Variants in LRMDA observed in about 807,000 individuals in gnomAD.
The protein encoded by LRMDA is leucine-rich melanocyte differentiation-associated protein.
Under a neutral mutation model 29.8 loss-of-function variants are expected in LRMDA, and 18 were observed. The ratio of observed to expected loss-of-function variants is 0.60; its 90% CI spans 0.42 to 0.90. LRMDA has a LOEUF of 0.90. Among genes scored for constraint, LRMDA ranks in the 40% least tolerant of loss-of-function variants. The pLI is 0.00. For missense variants in LRMDA, 273 were observed against 273.9 expected, an observed-to-expected ratio of 1.00 and a Z score of 0.02; for synonymous variants, 125 against 109.4, an observed-to-expected ratio of 1.14 and a Z score of -0.89.
At chr10:75,905,999 A>C (rs1203609120) in intron 2 of LRMDA, among the ~76,000 whole-genome samples, 1 of 151,196 alleles carries the variant, frequency 6.6e-6, no homozygotes, top group Non-Finnish European at 1.5e-5. Flanking sequence ...GGGAGGGTGC[A>C]GAAAGGTAGC....
At chr10:76,435,210 T>A (rs1025846406) in intron 6 of LRMDA, among the ~76,000 whole-genome samples, 1 of 152,230 alleles carries the variant, frequency 6.6e-6, no homozygotes, top group Non-Finnish European at 1.5e-5. Flanking sequence ...CATCTCTTTG[T>A]GAATGAGAAC....
intron 2 of LRMDA, among the ~76,000 whole-genome samples, chr10:75,876,567 C>T (rs182156947): frequency 9.2e-5 from 14 of 152,314 alleles, no homozygotes; most frequent in South Asian, 2.1e-4. Flanking sequence ...TAAGAGGTTA[C>T]GGAGTCCCAG....
intron 2 of LRMDA, among the ~76,000 whole-genome samples, chr10:75,807,073 C>A (rs1294316229): frequency 3.9e-5 from 6 of 152,126 alleles, no homozygotes; most frequent in Admixed American, 2.6e-4. Context: ...GCTCTGGAAT[C>A]CCTGTGGGGG....
intron 5 of LRMDA, among the ~76,000 whole-genome samples, chr10:76,074,431 A>AT (rs1176249085): frequency 6.6e-6 from 1 of 152,174 alleles, no homozygotes; most frequent in Non-Finnish European, 1.5e-5. Flanking sequence ...ATTAAGGCTA[A>AT]TTATTTTCAG....
intron 5 of LRMDA, among the ~76,000 whole-genome samples, chr10:76,226,815 T>G (rs1194081130): frequency 2.0e-5 from 3 of 152,162 alleles, no homozygotes; most frequent in Non-Finnish European, 4.4e-5. Context: ...CAGATTCAGA[T>G]GTTGTGACAT....
At chr10:76,168,971 C>T (rs971239433) in intron 5 of LRMDA, among the ~76,000 whole-genome samples, 6 of 151,984 alleles carry the variant, frequency 3.9e-5, no homozygotes, top group African/African-American at 1.5e-4. Context: ...AGGTACTTTA[C>T]AAATTGTGGG....
At chr10:75,854,804 G>A (rs549985119) in intron 2 of LRMDA, among the ~76,000 whole-genome samples, 178 of 151,536 alleles carry the variant, frequency 1.2e-3, no homozygotes, top group African/African-American at 4.0e-3. Flanking sequence ...ACCTATGAGC[G>A]AGAACATGCA....
At chr10:76,169,849 A>G (rs1033489856) in intron 5 of LRMDA, among the ~76,000 whole-genome samples, 20 of 152,288 alleles carry the variant, frequency 1.3e-4, no homozygotes, top group African/African-American at 4.3e-4. Flanking sequence ...AGAATTCTTC[A>G]TTGTCATTTG....
chr10:75,846,056 G>A (rs771628412), intron 2 of LRMDA, among the ~76,000 whole-genome samples: 7 of 152,042 alleles, frequency 4.6e-5, no homozygotes, highest in Admixed American at 6.5e-5. Flanking sequence ...TTGAAGCCAG[G>A]CTTATGAAGA....
intron 2 of LRMDA, among the ~76,000 whole-genome samples, chr10:75,471,278 G>A (rs574357830): frequency 2.4e-4 from 36 of 151,800 alleles, no homozygotes; most frequent in African/African-American, 5.8e-4. Flanking sequence ...CCTTCAGGAA[G>A]TTCATCTGTG....
chr10:76,389,169 G>A (rs1181375073), intron 6 of LRMDA, among the ~76,000 whole-genome samples: 1 of 152,196 alleles, frequency 6.6e-6, no homozygotes, highest in Non-Finnish European at 1.5e-5. Flanking sequence ...TGGTTGGAAT[G>A]GGAAAATGCC....
chr10:76,081,467 G>A (rs1849048617), intron 5 of LRMDA, among the ~76,000 whole-genome samples: 1 of 152,168 alleles, frequency 6.6e-6, no homozygotes, highest in African/African-American at 2.4e-5. Context: ...ATAAGTGAAA[G>A]TAACACTATT....
chr10:76,003,126 G>A (rs949592074), intron 2 of LRMDA, among the ~76,000 whole-genome samples: 5 of 152,152 alleles, frequency 3.3e-5, no homozygotes, highest in African/African-American at 1.2e-4. Context: ...AGGAACAAAT[G>A]CCCAGCATTT....
In LRMDA at chr10:75,627,214, A is replaced by C. The variant is rs922801761; in HGVS notation, c.131+188720A>C. ...ACTTACCAGTGAGCTCTAAAATTCA[A>C]CTTCAAATAGTTATTTACACATATT... is the stretch of plus-strand genomic sequence containing the variant. On this transcript the variant is annotated intron_variant, in intron 2 of 6. Transcript: ENST00000611255. Among the ~76,000 whole-genome samples, 13 of 152,176 alleles carry C rather than the reference A, an allele frequency of 8.5e-5. 1 individual carries two copies. The highest frequency in any genetic ancestry group is 1.5e-5 in the Non-Finnish European group (1 of 68,038).
intron 2 of LRMDA, among the ~76,000 whole-genome samples, chr10:75,578,927 G>A (rs1029087769): frequency 1.3e-5 from 2 of 151,776 alleles, no homozygotes; most frequent in Non-Finnish European, 2.9e-5. Flanking sequence ...TGTGTAGAGG[G>A]AAATTTATAG....
intron 2 of LRMDA, among the ~76,000 whole-genome samples, chr10:75,898,538 C>T (rs934547377): frequency 1.1e-4 from 16 of 151,604 alleles, no homozygotes; most frequent in South Asian, 6.2e-4. Flanking sequence ...CTTTGCCTGC[C>T]GGGAAAGCAG....
intron 5 of LRMDA, among the ~76,000 whole-genome samples, chr10:76,141,892 T>G (rs1046169816): frequency 6.6e-6 from 1 of 152,118 alleles, no homozygotes; most frequent in African/African-American, 2.4e-5. Flanking sequence ...AATTGTTTTG[T>G]GCAGAACTTT....
rs553501781 is a variant in LRMDA, at chr10:76,535,452, T to C, written c.602-21757T>C. Reference sequence around the variant, plus strand: ...AAATGATCATAATCTTTTGTTAGCTTATAATGCTTAAATAGGTCACTTAAA... The same window carrying C: ...AAATGATCATAATCTTTTGTTAGCTCATAATGCTTAAATAGGTCACTTAAA... On this transcript the variant is annotated intron_variant, in intron 6 of 6. Coordinates refer to ENST00000611255, the MANE Select transcript of LRMDA (RefSeq NM_001305581.2). 2.0e-5 allele frequency among the ~76,000 whole-genome samples: 3 copies of C among 152,298 alleles called. No individual in the cohort carries two copies. The South Asian group carries it at 6.2e-4, about 32-fold the overall frequency.
intron 6 of LRMDA, among the ~76,000 whole-genome samples, chr10:76,354,416 T>C (rs1841214616): frequency 1.3e-5 from 2 of 152,204 alleles, no homozygotes; most frequent in Admixed American, 1.3e-4. Context: ...AATTGGAAAT[T>C]GATATTTGGC....
Sources: gnomAD v4.1 joint callset for allele counts (sites outside exome capture counted in the v4.1 genomes callset) on GRCh38, gnomAD v4.1.1 for gene constraint, MANE v1.5 for transcripts, NCBI Gene and HGNC (gene_info 2026-07-23, HGNC 2026-07-21) for gene names.